STPG2: variants seen among roughly 807,000 people sequenced by gnomAD.
STPG2 encodes sperm-tail PG-rich repeat-containing protein 2.
STPG2 carries 56 observed loss-of-function variants against 54.2 expected under a neutral mutation model. The ratio of observed to expected loss-of-function variants is 1.03; its 90% CI spans 0.83 to 1.29. The LOEUF (loss-of-function observed/expected upper bound fraction) is 1.29, where lower values mean the gene tolerates loss of function less well. STPG2 is among the 50% of genes most tolerant of loss of function. The pLI is 0.00. For missense variants in STPG2, 596 were observed against 544.9 expected, an observed-to-expected ratio of 1.09 and a Z score of -0.93; for synonymous variants, 200 against 181.8, an observed-to-expected ratio of 1.10 and a Z score of -0.81.
chr4:97,637,249 T>G (rs560693811), intron 10 of STPG2, among the ~76,000 whole-genome samples: 1 of 152,362 alleles, frequency 6.6e-6, no homozygotes, highest in East Asian at 1.9e-4. Context: ...AACCACATGA[T>G]TATCTCAATA....
intron 7 of STPG2, among the ~76,000 whole-genome samples, chr4:97,952,757 T>A (rs1326800312): frequency 6.6e-6 from 1 of 152,128 alleles, no homozygotes; most frequent in African/African-American, 2.4e-5. Flanking sequence ...CTGGTGGTGG[T>A]AGTAATGAAC....
Position 97,685,807 on chromosome 4 carries a change from T to C in STPG2, c.1320+26892A>G, listed in dbSNP as rs79969806. Among the ~76,000 whole-genome samples the C allele has an allele frequency of 2.4e-4, 36 of 152,336 alleles. No individual in the cohort carries two copies. In the East Asian group the frequency reaches 6.8e-3, roughly 29 times the overall value. On this transcript the variant is annotated intron_variant, in intron 10 of 10. Transcript: ENST00000295268. Reference sequence around the variant, plus strand: ...TGGGGTTCTAATATGAAGACTGTGCTTTCAGCAAAATATTTCTGTAAACCT... The same window carrying C: ...TGGGGTTCTAATATGAAGACTGTGCCTTCAGCAAAATATTTCTGTAAACCT...
chr4:97,733,334 A>G (rs1724867643), intron 9 of STPG2, among the ~76,000 whole-genome samples: 1 of 152,132 alleles, frequency 6.6e-6, no homozygotes, highest in Non-Finnish European at 1.5e-5. Flanking sequence ...GAAATAACAC[A>G]GGAGTGGAAA....
At chr4:97,643,221 A>C (rs1022711584) in intron 10 of STPG2, among the ~76,000 whole-genome samples, 1 of 151,598 alleles carries the variant, frequency 6.6e-6, no homozygotes, top group African/African-American at 2.4e-5. Context: ...GAGGTTGTTC[A>C]ATTTCAGTGA....
intron 9 of STPG2, among the ~76,000 whole-genome samples, chr4:97,749,977 C>G (rs144470985): frequency 6.6e-6 from 1 of 151,758 alleles, no homozygotes; most frequent in Non-Finnish European, 1.5e-5. Flanking sequence ...AGGGATGGTA[C>G]CACCATAAAA....
intron 10 of STPG2, among the ~76,000 whole-genome samples, chr4:97,606,470 A>T (rs1335133585): frequency 6.6e-6 from 1 of 151,894 alleles, no homozygotes; most frequent in Non-Finnish European, 1.5e-5. Flanking sequence ...TATTGGAAAA[A>T]ACAAATATAT....
At chr4:97,579,019 T>C (rs1169271833) in intron 10 of STPG2, among the ~76,000 whole-genome samples, 2 of 152,170 alleles carry the variant, frequency 1.3e-5, no homozygotes, top group African/African-American at 4.8e-5. Context: ...ATCACTCATC[T>C]GTTTTCAGCT....
intron 4 of STPG2, among the ~76,000 whole-genome samples, chr4:97,528,778 A>T (rs571054084): frequency 6.6e-6 from 1 of 152,114 alleles, no homozygotes; most frequent in Non-Finnish European, 1.5e-5. Flanking sequence ...ATAGCAGTTC[A>T]CTCATGATTT....
At chr4:97,821,600 C>A (rs1303671833) in intron 9 of STPG2, among the ~76,000 whole-genome samples, 1 of 152,242 alleles carries the variant, frequency 6.6e-6, no homozygotes, top group African/African-American at 2.4e-5. Context: ...GGGCTCCACC[C>A]TTATAGCAGG....
chr4:97,837,463 A>G (rs906602808), intron 9 of STPG2, among the ~76,000 whole-genome samples: 5 of 151,802 alleles, frequency 3.3e-5, no homozygotes, highest in African/African-American at 9.7e-5. Context: ...TGATGCTTAA[A>G]TACTTTTCCA....
chr4:98,025,594 CA>C (rs1464209906), intron 5 of STPG2: 2 of 745,042 alleles, frequency 2.7e-6, no homozygotes, highest in Non-Finnish European at 4.9e-6. Flanking sequence ...CCCATATAGA[CA>C]GGGATATAAT....
At chr4:97,713,232 C>A (rs111360217) in intron 9 of STPG2, among the ~76,000 whole-genome samples, 1 of 152,054 alleles carries the variant, frequency 6.6e-6, no homozygotes, top group Non-Finnish European at 1.5e-5. Flanking sequence ...GTAAACATTA[C>A]GGAAATCAAG....
At chr4:97,474,807 T>A (rs1197289382) in intron 4 of STPG2, among the ~76,000 whole-genome samples, 1 of 152,152 alleles carries the variant, frequency 6.6e-6, no homozygotes, top group African/African-American at 2.4e-5. Context: ...ACAAAATTCT[T>A]ACCTAGCAGG....
At chr4:97,895,157 C>T (rs1730910758) in intron 8 of STPG2, among the ~76,000 whole-genome samples, 1 of 151,704 alleles carries the variant, frequency 6.6e-6, no homozygotes, top group Non-Finnish European at 1.5e-5. Context: ...ATAGTGATGA[C>T]ACGGTAATAA....
At chr4:97,701,156 C>G (rs1723761028) in intron 10 of STPG2, among the ~76,000 whole-genome samples, 1 of 152,100 alleles carries the variant, frequency 6.6e-6, no homozygotes, top group Non-Finnish European at 1.5e-5. Context: ...TTCCATTTGG[C>G]CTTTCCCACC....
At position 97,602,641 on chromosome 4, in the gene STPG2, A is replaced by C. The variant is rs1407160840; in HGVS notation, c.1321-43524T>G. ...GAATTTTTATTAAAAATGTATGTTG[A>C]GTTTTATGGGACACTTTTTGTCATG... On this transcript the variant is annotated intron_variant, in intron 10 of 10. Coordinates refer to ENST00000295268, the MANE Select transcript of STPG2 (RefSeq NM_174952.3). Among the ~76,000 whole-genome samples, 3 of 151,700 alleles carry C rather than the reference A, an allele frequency of 2.0e-5. No homozygotes were observed. In the East Asian group the frequency reaches 5.8e-4, roughly 29 times the overall value.
At chr4:97,444,450 A>T (rs547655314) in intron 4 of STPG2, among the ~76,000 whole-genome samples, 20 of 152,202 alleles carry the variant, frequency 1.3e-4, no homozygotes, top group Non-Finnish European at 2.8e-4. Context: ...TTCATTAGAA[A>T]CTATAGAGGG....
At chr4:98,136,392 T>G (rs1392082414) in intron 1 of STPG2, among the ~76,000 whole-genome samples, 1 of 151,590 alleles carries the variant, frequency 6.6e-6, no homozygotes, top group African/African-American at 2.4e-5. Context: ...CTTAACATGC[T>G]CAGAACACTT....
chr4:97,670,451 G>T (rs948308465), intron 10 of STPG2, among the ~76,000 whole-genome samples: 8 of 152,088 alleles, frequency 5.3e-5, no homozygotes, highest in Non-Finnish European at 1.0e-4. Flanking sequence ...CCATTCAAAT[G>T]ATCTATATCA....
Sources: allele counts gnomAD v4.1 joint callset (sites outside exome capture counted in the v4.1 genomes callset), GRCh38; gene constraint gnomAD v4.1.1; transcripts MANE v1.5; gene names NCBI Gene and HGNC (gene_info 2026-07-23, HGNC 2026-07-21).